CNTNAP5: variants seen among roughly 807,000 people sequenced by gnomAD.
The protein encoded by CNTNAP5 is contactin-associated protein-like 5.
In CNTNAP5, 72 loss-of-function variants were observed where a neutral mutation model predicts 150.2. The observed-to-expected ratio is 0.48, with a 90% CI of 0.40 to 0.58. CNTNAP5 has a LOEUF of 0.58. Ranked by LOEUF, CNTNAP5 falls within the 20% of genes least tolerant of loss-of-function variation. CNTNAP5 has a pLI of 0.00. For synonymous variants in CNTNAP5, 672 were observed against 619.8 expected (o/e 1.08, Z -1.25); for missense variants, 1,636 against 1,626.2 (o/e 1.01, Z -0.10).
chr2:124,411,424 A>C (rs1558889358), intron 3 of CNTNAP5, among the ~76,000 whole-genome samples: 1 of 151,966 alleles, frequency 6.6e-6, no homozygotes, highest in South Asian at 2.1e-4. Context: ...AGACACAACC[A>C]AAAAAGAGAA....
At chr2:124,029,207 T>C (rs1680975347) in intron 1 of CNTNAP5, among the ~76,000 whole-genome samples, 1 of 152,086 alleles carries the variant, frequency 6.6e-6, no homozygotes, top group Non-Finnish European at 1.5e-5. Context: ...AGGACTTCAA[T>C]CAGATTCATA....
chr2:124,033,840 G>A (rs1681131677), intron 1 of CNTNAP5, among the ~76,000 whole-genome samples: 2 of 151,952 alleles, frequency 1.3e-5, no homozygotes, highest in Admixed American at 6.6e-5. Context: ...ATATAGATAA[G>A]CTTTAAGACA....
intron 17 of CNTNAP5, among the ~76,000 whole-genome samples, chr2:124,781,249 G>A (rs575474900): frequency 6.6e-6 from 1 of 152,286 alleles, no homozygotes; most frequent in Admixed American, 6.5e-5. Context: ...ACAGGCTCAG[G>A]GAAGAGGTGA....
intron 4 of CNTNAP5, among the ~76,000 whole-genome samples, chr2:124,431,908 T>C (rs533294665): frequency 7.2e-4 from 109 of 152,150 alleles, no homozygotes; most frequent in Middle Eastern, 6.8e-3. Flanking sequence ...TATAGAGGGC[T>C]CCTCTCCTTA....
At chr2:124,035,941 G>A (rs1179124954) in intron 1 of CNTNAP5, among the ~76,000 whole-genome samples, 3 of 95,412 alleles carry the variant, frequency 3.1e-5, no homozygotes, top group African/African-American at 4.3e-5. Context: ...TTTTTGAGAC[G>A]GAGTCTCGCT....
chr2:124,034,008 G>A (rs1422760992), intron 1 of CNTNAP5, among the ~76,000 whole-genome samples: 1 of 152,176 alleles, frequency 6.6e-6, no homozygotes, highest in Non-Finnish European at 1.5e-5. Context: ...GAACAGGGAT[G>A]TTCTAGGTGT....
intron 17 of CNTNAP5, among the ~76,000 whole-genome samples, chr2:124,779,945 G>A (rs969657658): frequency 6.6e-6 from 1 of 152,076 alleles, no homozygotes; most frequent in Non-Finnish European, 1.5e-5. Context: ...AAGACGTAGT[G>A]TCTAATTTAT....
intron 3 of CNTNAP5, among the ~76,000 whole-genome samples, chr2:124,290,091 G>A (rs1168534810): frequency 6.6e-6 from 1 of 152,010 alleles, no homozygotes; most frequent in Admixed American, 6.6e-5. Flanking sequence ...TGCTTCCCTC[G>A]ACTTCCCCTT....
intron 2 of CNTNAP5, among the ~76,000 whole-genome samples, chr2:124,235,960 T>C (rs773937355): frequency 7.7e-6 from 1 of 129,254 alleles, no homozygotes; most frequent in Non-Finnish European, 1.9e-5. Flanking sequence ...TATTTATTTA[T>C]TTATTTATTT....
intron 16 of CNTNAP5, 116 bp from the exon 17 acceptor site, chr2:124,772,683 C>T: frequency 1.4e-6 from 1 of 720,288 alleles, no homozygotes; most frequent in East Asian, 2.6e-5. Flanking sequence ...GCAGGGATTT[C>T]AAAAGAAGTC....
At chr2:124,565,185 C>A (rs1309998103) in intron 11 of CNTNAP5, among the ~76,000 whole-genome samples, 1 of 152,206 alleles carries the variant, frequency 6.6e-6, no homozygotes, top group African/African-American at 2.4e-5. Context: ...TAGAGAAGAA[C>A]TAGTCCACTA....
chr2:124,380,234 T>G (rs2104736753), intron 3 of CNTNAP5, among the ~76,000 whole-genome samples: 1 of 152,160 alleles, frequency 6.6e-6, no homozygotes, highest in South Asian at 2.1e-4. Flanking sequence ...ACCATCCCAT[T>G]TATTTTTAAA....
At chr2:124,123,147 A>C (rs1345065502) in intron 1 of CNTNAP5, among the ~76,000 whole-genome samples, 1 of 152,076 alleles carries the variant, frequency 6.6e-6, no homozygotes, top group Admixed American at 6.6e-5. Context: ...ATTCCCTTTC[A>C]TAACCAAGGG....
In CNTNAP5 at chr2:124,563,201, T is replaced by C; in HGVS notation, c.1650-16T>C. The C allele has an allele frequency of 6.6e-7, 1 of 1,508,694 alleles. No homozygotes were observed. The highest frequency in any genetic ancestry group is 9.1e-7 in the Non-Finnish European group (1 of 1,102,230). The allele number at this position is 1,508,694 out of a possible 1,614,324, so 93.5% of individuals were successfully genotyped here. A position where few individuals can be genotyped will look rare whatever the true frequency, so the allele number is the denominator to read the frequency against. On this transcript the variant is annotated splice_polypyrimidine_tract_variant and intron_variant, in intron 10 of 23. Coordinates refer to ENST00000682447, the MANE Select transcript of CNTNAP5 (RefSeq NM_001367498.1). ...ATTTGGTTTATTTTCTTTTCATTTA[T>C]GTTTTCTTCCATTAGGTGTTTGCCA...
chr2:124,527,587 GA>G, intron 10 of CNTNAP5, 131 bp downstream of exon 10: 1 of 633,360 alleles, frequency 1.6e-6, no homozygotes, highest in Non-Finnish European at 2.5e-6. Context: ...TTGCCTAATG[GA>G]AAATATTTCT....
chr2:124,664,301 C>A (rs541253318), intron 13 of CNTNAP5, among the ~76,000 whole-genome samples: 4 of 125,002 alleles, frequency 3.2e-5, no homozygotes, highest in African/African-American at 1.3e-4. Flanking sequence ...CCAGTCTGGG[C>A]GACAGAGTGA....
At chr2:124,493,965 TACACACACAC>T (rs58843895) in intron 7 of CNTNAP5, among the ~76,000 whole-genome samples, 117 of 143,928 alleles carry the variant, frequency 8.1e-4, no homozygotes, top group Middle Eastern at 3.6e-3. Context: ...AAACCATAAA[TACACACACAC>T]ACACACACAC....
intron 3 of CNTNAP5, among the ~76,000 whole-genome samples, chr2:124,253,683 T>C (rs1687240917): frequency 6.6e-6 from 1 of 152,170 alleles, no homozygotes; most frequent in Non-Finnish European, 1.5e-5. Flanking sequence ...AAATAATGTA[T>C]TTTAAAAATA....
At chr2:124,048,318 TA>T (rs1264694295) in intron 1 of CNTNAP5, among the ~76,000 whole-genome samples, 1 of 152,210 alleles carries the variant, frequency 6.6e-6, no homozygotes, top group African/African-American at 2.4e-5. Context: ...TTCCTGTCAG[TA>T]AAATGTGAGT....
Sources: allele counts gnomAD v4.1 joint callset (sites outside exome capture counted in the v4.1 genomes callset), GRCh38; gene constraint gnomAD v4.1.1; transcripts MANE v1.5; gene names NCBI Gene and HGNC (gene_info 2026-07-23, HGNC 2026-07-21).